DSCAM: variants seen among roughly 807,000 people sequenced by gnomAD.
DSCAM encodes the protein DS cell adhesion molecule, also known as cell adhesion molecule DSCAM.
A neutral mutation model predicts 217.7 loss-of-function variants in DSCAM; 47 were observed. That is an observed-to-expected ratio of 0.22 (90% CI 0.17 to 0.28). The LOEUF (loss-of-function observed/expected upper bound fraction) is 0.28. Among genes scored for constraint, DSCAM ranks in the 10% least tolerant of loss-of-function variants. The probability of loss-of-function intolerance (pLI) is 1.00; values close to 1 mark genes in which losing one functional copy is unlikely to be tolerated. For synonymous variants in DSCAM, 1,056 were observed against 1,015.3 expected (o/e 1.04, Z -0.76); for missense variants, 2,080 against 2,618.3 (o/e 0.79, Z 4.49).
intron 3 of DSCAM, among the ~76,000 whole-genome samples, chr21:40,420,139 G>A (rs888757372): frequency 6.6e-6 from 1 of 152,084 alleles, no homozygotes; most frequent in Admixed American, 6.6e-5. Flanking sequence ...ATATTTTCAA[G>A]AATATTGAAT....
chr21:40,675,632 T>C (rs1050208786), intron 3 of DSCAM, among the ~76,000 whole-genome samples: 1 of 152,222 alleles, frequency 6.6e-6, no homozygotes, highest in African/African-American at 2.4e-5. Flanking sequence ...GTGTTGCCTC[T>C]AGTTTTTAAA....
At chr21:40,815,113 AGAG>A (rs1382295330) in intron 1 of DSCAM, among the ~76,000 whole-genome samples, 1 of 152,142 alleles carries the variant, frequency 6.6e-6, no homozygotes, top group South Asian at 2.1e-4. Context: ...GGCTGAATGG[AGAG>A]GAGAAGTCAT....
chr21:40,215,091 C>T lies in DSCAM; in HGVS notation c.2357-25853G>A, dbSNP rs1346679485. Among the ~76,000 whole-genome samples, 5 of 89,538 alleles carry T rather than the reference C, an allele frequency of 5.6e-5. 2 individuals carry two copies. The highest frequency in any genetic ancestry group is 4.6e-4 in the East Asian group (1 of 2,188). 58.7% of individuals were successfully genotyped at this position (89,538 alleles called of 152,430 possible). ...AAAATTAGCCGGGCGCGGTGGCGGG[C>T]GCCTGTAGTCCCAGCTACTCGGGAG... On this transcript the variant is annotated intron_variant, in intron 11 of 32. Coordinates refer to ENST00000400454, the MANE Select transcript of DSCAM (RefSeq NM_001389.5).
rs538191804 is a variant in DSCAM at position 40,312,214 on chromosome 21, C to T, written c.1929G>A (p.Val643=). 17 of 1,614,084 alleles carry T rather than the reference C, an allele frequency of 1.1e-5. No homozygotes were observed. In the East Asian group the frequency reaches 1.6e-4, roughly 15 times the overall value. Residue 643 remains valine (V), a synonymous_variant, in exon 9 of 33, where the codon GTG becomes GTA. Transcript: ENST00000400454. The part of the protein sequence containing the change: ...DGRPIPGSLG[V]TIDNIDFTSS... ...TCGTGAAGTCAATATTGTCAATGGTCACCCCAAGGCTCCCAGGGATTGGCC... is the reference window on the plus strand; with the variant it reads ...TCGTGAAGTCAATATTGTCAATGGTTACCCCAAGGCTCCCAGGGATTGGCC...
intron 3 of DSCAM, among the ~76,000 whole-genome samples, chr21:40,485,247 T>C (rs923084787): frequency 2.7e-5 from 4 of 147,646 alleles, no homozygotes; most frequent in Admixed American, 6.8e-5. Context: ...CTTTTTTTTT[T>C]TTTTTTTTTT....
At chr21:40,418,645 A>T (rs969790570) in intron 3 of DSCAM, among the ~76,000 whole-genome samples, 1 of 152,222 alleles carries the variant, frequency 6.6e-6, no homozygotes, top group African/African-American at 2.4e-5. Context: ...CTAATTAATT[A>T]TCACAACATA....
intron 31 of DSCAM, among the ~76,000 whole-genome samples, chr21:40,042,919 C>T (rs2088779836): frequency 6.6e-6 from 1 of 151,882 alleles, no homozygotes; most frequent in African/African-American, 2.4e-5. Flanking sequence ...CAGCTTGGGA[C>T]ATTTCCATAA....
intron 1 of DSCAM, among the ~76,000 whole-genome samples, chr21:40,750,963 C>T (rs980926023): frequency 6.6e-6 from 1 of 152,198 alleles, no homozygotes; most frequent in Non-Finnish European, 1.5e-5. Flanking sequence ...CAGCTCTATG[C>T]TCAACACAAT....
chr21:40,571,874 G>A (rs1031957822), intron 3 of DSCAM, among the ~76,000 whole-genome samples: 1 of 152,178 alleles, frequency 6.6e-6, no homozygotes, highest in Non-Finnish European at 1.5e-5. Flanking sequence ...ACAGGTGTGA[G>A]CCACTGCACC....
At chr21:40,225,277 T>C (rs1294920416) in intron 11 of DSCAM, among the ~76,000 whole-genome samples, 4 of 152,154 alleles carry the variant, frequency 2.6e-5, no homozygotes, top group African/African-American at 7.2e-5. Context: ...CCCCAACCAC[T>C]TGACCTTGAC....
intron 11 of DSCAM, among the ~76,000 whole-genome samples, chr21:40,234,922 A>C (rs1431196793): frequency 6.6e-6 from 1 of 152,186 alleles, no homozygotes; most frequent in Non-Finnish European, 1.5e-5. Context: ...TAAGCATATC[A>C]GGGCATTATG....
At position 40,060,423 on chromosome 21, in the gene DSCAM, C is replaced by A. The variant is rs550611968; in HGVS notation, c.4919+2446G>T. Among the ~76,000 whole-genome samples the A allele has an allele frequency of 2.0e-5, 3 of 152,310 alleles. No homozygotes were observed. In the South Asian group the frequency reaches 6.2e-4, roughly 32 times the overall value. On this transcript the variant is annotated intron_variant, in intron 28 of 32. Transcript: ENST00000400454. ...AAAATATAGCCCGCAGTTTCACAGCCTCTGGACAAAGGCATGATTTACAGT... is the reference window on the plus strand; with the variant it reads ...AAAATATAGCCCGCAGTTTCACAGCATCTGGACAAAGGCATGATTTACAGT...
chr21:40,690,459 T>C (rs543802725), intron 3 of DSCAM, among the ~76,000 whole-genome samples: 2 of 152,354 alleles, frequency 1.3e-5, no homozygotes, highest in Admixed American at 1.3e-4. Context: ...ACTGATGTAT[T>C]CCTTAATAAG....
chr21:40,829,161 A>G (rs1467409412), intron 1 of DSCAM, among the ~76,000 whole-genome samples: 1 of 152,238 alleles, frequency 6.6e-6, no homozygotes, highest in African/African-American at 2.4e-5. Flanking sequence ...TAAAAACAGG[A>G]GTGGACGCTG....
At chr21:40,279,555 A>C (rs55863828) in intron 10 of DSCAM, among the ~76,000 whole-genome samples, 5,847 of 152,312 alleles carry the variant, frequency 0.038, 389 homozygotes, top group African/African-American at 0.13. Context: ...ACCACTGTGG[A>C]AGACAGTGTG....
At chr21:40,019,881 C>T (rs796608818) in intron 32 of DSCAM, among the ~76,000 whole-genome samples, 3 of 152,304 alleles carry the variant, frequency 2.0e-5, no homozygotes, top group Admixed American at 6.5e-5. Context: ...ACTTCACTTC[C>T]TCTGCTTTGC....
At position 40,430,291 on chromosome 21, in the gene DSCAM, T is replaced by C. The variant is rs112975338; in HGVS notation, c.509-61046A>G. ...TGATTGGATTGAAGGATACAAAGTA[T>C]TGATCCTGGGTGTGTCTGTGAGGGT... On this transcript the variant is annotated intron_variant, in intron 3 of 32. Transcript: ENST00000400454. Among the ~76,000 whole-genome samples, 902 of 152,332 alleles carry C rather than the reference T, an allele frequency of 5.9e-3. 8 individuals carry two copies. The highest frequency in any genetic ancestry group is 0.02 in the African/African-American group (852 of 41,570).
At chr21:40,187,363 G>T in intron 13 of DSCAM, 104 bp from the exon 14 acceptor site, 1 of 1,388,426 alleles carries the variant, frequency 7.2e-7, no homozygotes, top group Non-Finnish European at 9.7e-7. Context: ...GTCTGCATTA[G>T]ACAAGAACAG....
intron 3 of DSCAM, among the ~76,000 whole-genome samples, chr21:40,489,707 G>A (rs1263006156): frequency 3.6e-5 from 5 of 139,472 alleles, no homozygotes; most frequent in Non-Finnish European, 6.1e-5. Flanking sequence ...CCCGGGAGGC[G>A]GAGCTTGCAG....
Sources: gnomAD v4.1 joint callset for allele counts (sites outside exome capture counted in the v4.1 genomes callset) on GRCh38, gnomAD v4.1.1 for gene constraint, MANE v1.5 for transcripts, NCBI Gene and HGNC (gene_info 2026-07-23, HGNC 2026-07-21) for gene names.